PTCD1: variants seen among roughly 807,000 people sequenced by gnomAD.
The protein encoded by PTCD1 is pentatricopeptide repeat domain 1.
In PTCD1, 50 loss-of-function variants were observed where a neutral mutation model predicts 53.4. The observed-to-expected ratio is 0.94, with a 90% CI of 0.75 to 1.19. The LOEUF (loss-of-function observed/expected upper bound fraction) is 1.19, where lower values mean the gene tolerates loss of function less well. PTCD1 is among the 50% of genes most tolerant of loss of function. PTCD1 has a pLI of 0.00. For synonymous variants in PTCD1, 413 were observed against 394.8 expected (o/e 1.05, Z -0.55); for missense variants, 918 against 904.8 (o/e 1.01, Z -0.19).
chr7:99,425,484 C>T lies in PTCD1; in HGVS notation c.1048G>A (p.Glu350Lys), dbSNP rs375344123. The T allele has an allele frequency of 2.5e-5, 40 of 1,612,782 alleles. No homozygotes were observed. The highest frequency in any genetic ancestry group is 1.9e-4 in the African/African-American group (14 of 74,924). Residue 350 changes from glutamate to lysine, a missense_variant, in exon 6 of 8, where the codon GAG (glutamate) becomes AAG (lysine). Glu to Lys is a moderately conservative substitution (Grantham distance 56). Coordinates refer to ENST00000292478, the MANE Select transcript of PTCD1 (RefSeq NM_015545.4). ...ASELLLKPRE[E>K]ATVLQPPVSR... ...ACTGGGGGCTGAAGCACAGTCGCCT[C>T]CTCCCTGGGCTTCAGAAGCAGCTCT... is the stretch of plus-strand genomic sequence containing the variant.
At chr7:99,420,986 C>T (rs1319138677) in intron 7 of PTCD1, among the ~76,000 whole-genome samples, 3 of 151,978 alleles carry the variant, frequency 2.0e-5, no homozygotes, top group Non-Finnish European at 2.9e-5. Flanking sequence ...ACTCAAAAGA[C>T]TGGACAATTC....
rs560268894 is a variant in PTCD1, at chr7:99,437,436, C to A, written c.-27+1256G>T. Among the ~76,000 whole-genome samples the A allele has an allele frequency of 4.6e-5, 7 of 152,128 alleles. No homozygotes were observed. In the East Asian group the frequency reaches 9.7e-4, roughly 21 times the overall value. Reference sequence around the variant, plus strand: ...TCTCCTGCCTCAGCCTCCCCTGGAGCTGGGACTACAGACGCATGCCACCAA... The same window carrying A: ...TCTCCTGCCTCAGCCTCCCCTGGAGATGGGACTACAGACGCATGCCACCAA... On this transcript the variant is annotated intron_variant, in intron 1 of 7. Transcript: ENST00000292478.
intron 3 of PTCD1, 112 bp downstream of exon 3, chr7:99,433,166 G>C: frequency 6.5e-7 from 1 of 1,536,356 alleles, no homozygotes; most frequent in Non-Finnish European, 9.0e-7. Context: ...ATGACTCTGA[G>C]GCCAGGGAGG....
intron 7 of PTCD1, among the ~76,000 whole-genome samples, 180 bp from the exon 8 acceptor site, chr7:99,420,329 C>T (rs902408816): frequency 2.6e-5 from 4 of 152,170 alleles, no homozygotes; most frequent in African/African-American, 9.7e-5. Flanking sequence ...TTCAGAGAAA[C>T]AGGTCCCCGC....
intron 3 of PTCD1, among the ~76,000 whole-genome samples, chr7:99,432,384 T>C (rs1035057084): frequency 6.6e-6 from 1 of 152,238 alleles, no homozygotes; most frequent in African/African-American, 2.4e-5. Flanking sequence ...AATACTGCTC[T>C]TTGATGCACG....
chr7:99,431,319 A>G (rs1302488732), intron 3 of PTCD1, among the ~76,000 whole-genome samples: 1 of 151,872 alleles, frequency 6.6e-6, no homozygotes, highest in East Asian at 2.0e-4. Flanking sequence ...TAGTAGAGAC[A>G]GGGTTTCACC....
In PTCD1 at chr7:99,438,780, A is replaced by C; in HGVS notation, c.-115T>G. 7.3e-7 allele frequency: 1 copy of C among 1,367,898 alleles called. No individual in the cohort carries two copies. Among genetic ancestry groups the C allele is most frequent in the East Asian group, 4.0e-5 (1 of 25,012 alleles). The allele number at this position is 1,367,898 out of a possible 1,614,324, so 84.7% of individuals were successfully genotyped here. A position where few individuals can be genotyped will look rare whatever the true frequency, so the allele number is the denominator to read the frequency against. ...CTCTTCCTCGGGTCCCCCTCTCCCC[A>C]AGCGCGCAGGCGCAATCCGCGTCGC... On this transcript the variant is annotated 5_prime_UTR_variant, in exon 1 of 8. Transcript: ENST00000292478.
chr7:99,420,137 T>C lies in PTCD1; in HGVS notation c.1933A>G (p.Asn645Asp). The change falls in exon 8 of 8, where the codon AAC becomes GAC. Residue 645 changes from asparagine to aspartate, a missense_variant. Transcript: ENST00000292478. ...CCGTCAATCTTCTCCAGGTAGGTGT[T>C]CTTCCCTTGGTACTAGAATTAGAAA... ...PPTFDRYQGK[N>D]TYLEKIDGFR... 6.2e-7 allele frequency: 1 copy of C among 1,614,204 alleles called. No homozygotes were observed. Among genetic ancestry groups the C allele is most frequent in the Non-Finnish European group, 8.5e-7 (1 of 1,180,030 alleles).
chr7:99,427,235 C>G (rs1796075992), intron 5 of PTCD1, among the ~76,000 whole-genome samples: 1 of 148,006 alleles, frequency 6.8e-6, no homozygotes, highest in Non-Finnish European at 1.5e-5. Context: ...AGGGGCACCT[C>G]TGCCCGGCTG....
At position 99,429,690 on chromosome 7, in the gene PTCD1, C is replaced by T; in HGVS notation, c.711G>A (p.Gln237=). The change falls in exon 4 of 8, where the codon CAG becomes CAA. Residue 237 remains glutamine, a synonymous_variant. Coordinates refer to ENST00000292478, the MANE Select transcript of PTCD1 (RefSeq NM_015545.4). ...ALQSALKLRQ[Q]LQAKNFELNL... Reference sequence around the variant, plus strand: ...TGAGCTCGAAGTTTTTGGCCTGCAGCTGCTGCCGGAGCTTCAGGGCGCTCT... The same window carrying T: ...TGAGCTCGAAGTTTTTGGCCTGCAGTTGCTGCCGGAGCTTCAGGGCGCTCT... 6.2e-7 allele frequency: 1 copy of T among 1,614,224 alleles called. No homozygotes were observed. The highest frequency in any genetic ancestry group is 8.5e-7 in the Non-Finnish European group (1 of 1,180,034).
chr7:99,434,475 A>G (rs1405923073), intron 2 of PTCD1, among the ~76,000 whole-genome samples: 1 of 151,458 alleles, frequency 6.6e-6, no homozygotes, highest in Non-Finnish European at 1.5e-5. Flanking sequence ...AGGGAGTGCT[A>G]GAAGGGTGTG....
chr7:99,435,821 G>A (rs1796444566), intron 1 of PTCD1, among the ~76,000 whole-genome samples: 1 of 150,896 alleles, frequency 6.6e-6, no homozygotes, highest in South Asian at 2.1e-4. Context: ...TCTAATCCCA[G>A]CTACTGAGGA....
At chr7:99,426,479 C>T (rs1311950025) in intron 5 of PTCD1, among the ~76,000 whole-genome samples, 2 of 152,204 alleles carry the variant, frequency 1.3e-5, no homozygotes, top group Non-Finnish European at 2.9e-5. Context: ...GACGGAGTCT[C>T]GTTCACTCAG....
Position 99,425,424 on chromosome 7 carries a change from T to C in PTCD1, c.1108A>G (p.Lys370Glu), listed in dbSNP as rs755751908. The C allele has an allele frequency of 6.2e-7, 1 of 1,613,972 alleles. No homozygotes were observed. Among genetic ancestry groups the C allele is most frequent in the Non-Finnish European group, 8.5e-7 (1 of 1,180,042 alleles). ...RQRPRRTAQA[K>E]AGNLMSAMLH... ...ATGGCTGACATGAGGTTGCCTGCCTTGGCCTGGGCTGTCCTCCTTGGCCGC... is the reference window on the plus strand; with the variant it reads ...ATGGCTGACATGAGGTTGCCTGCCTCGGCCTGGGCTGTCCTCCTTGGCCGC... The change falls in exon 6 of 8, where the codon AAG becomes GAG. Residue 370 changes from lysine to glutamate, a missense_variant. Physicochemically the swap from Lys to Glu is moderately conservative, Grantham distance 56. Coordinates refer to ENST00000292478, the MANE Select transcript of PTCD1 (RefSeq NM_015545.4).
Position 99,435,065 on chromosome 7 carries a change from G to C in PTCD1, c.178C>G (p.Gln60Glu). The C allele has an allele frequency of 1.9e-6, 3 of 1,611,942 alleles. No homozygotes were observed. Among genetic ancestry groups the C allele is most frequent in the Non-Finnish European group, 8.5e-7 (1 of 1,179,108 alleles). ...GAGCCCAGGCTGCCCGTGTTTTCCT[G>C]ACGCTCCTGGCCGAGGGGCAGCTGA... ...SSQLPLGQER[Q>E]ENTGSLGSDP... The change falls in exon 2 of 8, where the codon CAG becomes GAG. Residue 60 changes from glutamine to glutamate, a missense_variant. Coordinates refer to ENST00000292478, the MANE Select transcript of PTCD1 (RefSeq NM_015545.4).
chr7:99,434,112 GAC>G (rs1796363254), intron 2 of PTCD1, among the ~76,000 whole-genome samples: 1 of 149,274 alleles, frequency 6.7e-6, no homozygotes, highest in South Asian at 2.1e-4. Flanking sequence ...AATTAAGAAA[GAC>G]ACACAGTATA....
chr7:99,420,699 G>A (rs1361711769), intron 7 of PTCD1, among the ~76,000 whole-genome samples: 1 of 152,246 alleles, frequency 6.6e-6, no homozygotes, highest in African/African-American at 2.4e-5. Flanking sequence ...GCTCACGTCT[G>A]TAATCCCAGC....
At chr7:99,428,780 G>A (rs1190004040) in intron 5 of PTCD1, among the ~76,000 whole-genome samples, 1 of 152,016 alleles carries the variant, frequency 6.6e-6, no homozygotes, top group Non-Finnish European at 1.5e-5. Context: ...GGTTGCACCT[G>A]CAGAAGTGCT....
At chr7:99,427,397 T>G (rs1328113513) in intron 5 of PTCD1, among the ~76,000 whole-genome samples, 1 of 140,508 alleles carries the variant, frequency 7.1e-6, no homozygotes, top group African/African-American at 2.7e-5. Context: ...GTCCGGGAGG[T>G]GAGGGGCGCC....
Sources: gnomAD v4.1 joint callset for allele counts (sites outside exome capture counted in the v4.1 genomes callset) on GRCh38, gnomAD v4.1.1 for gene constraint, MANE v1.5 for transcripts, NCBI Gene and HGNC (gene_info 2026-07-23, HGNC 2026-07-21) for gene names.